The following IDO2 variants were observed in gnomAD, a reference collection of about 807,000 sequenced individuals.
IDO2 encodes the protein indoleamine 2,3-dioxygenase 2, also known as indoleamine 2,3-dioxygenase-like 1 protein.
IDO2 carries 46 observed loss-of-function variants against 45.1 expected under a neutral mutation model. The ratio of observed to expected loss-of-function variants is 1.02; its 90% confidence interval spans 0.80 to 1.30. The LOEUF is 1.30. Ranked by LOEUF, IDO2 falls within the 50% of genes most tolerant of loss-of-function variation. IDO2 has a pLI of 0.00. For synonymous variants in IDO2, 218 were observed against 184.9 expected, an observed-to-expected ratio of 1.18 and a Z score of -1.45; for missense variants, 544 against 491.8, an observed-to-expected ratio of 1.11 and a Z score of -1.00.
exon 4 of IDO2, chr8:39,979,106 G>C: frequency 6.2e-7 from 1 of 1,601,068 alleles, no homozygotes; most frequent in Non-Finnish European, 8.5e-7. Flanking sequence ...GGGTCACCGG[G>C]AGCAGCGCCT....
chr8:39,982,499 G>A (rs1808369015), intron 4 of IDO2, among the ~76,000 whole-genome samples, 153 bp from the exon 5 acceptor site: 1 of 152,126 alleles, frequency 6.6e-6, no homozygotes, highest in Non-Finnish European at 1.5e-5. Flanking sequence ...AGATATGTGT[G>A]CGGCATATGA....
chr8:39,996,936 G>A (rs1364851234), intron 8 of IDO2, among the ~76,000 whole-genome samples: 4 of 152,150 alleles, frequency 2.6e-5, no homozygotes, highest in Non-Finnish European at 5.9e-5. Flanking sequence ...TGTAAACGCC[G>A]CTAATTGGCA....
At chr8:39,947,753 C>G (rs1308869260) in intron 1 of IDO2, among the ~76,000 whole-genome samples, 1 of 150,950 alleles carries the variant, frequency 6.6e-6, no homozygotes, top group African/African-American at 2.4e-5. Flanking sequence ...AATGGCCTTA[C>G]TAAATAAATT....
intron 8 of IDO2, among the ~76,000 whole-genome samples, chr8:40,002,532 C>T (rs577086121): frequency 3.9e-5 from 6 of 152,278 alleles, no homozygotes; most frequent in African/African-American, 1.2e-4. Flanking sequence ...CGGTGGCTCA[C>T]GCCTGTAATC....
rs147113289 is a variant in IDO2, at chr8:39,961,564, C to T, written c.100-2044C>T. Among the ~76,000 whole-genome samples the T allele has an allele frequency of 1.8e-3, 272 of 152,138 alleles. 1 individual carries two copies. Among genetic ancestry groups the T allele is most frequent in the African/African-American group, 4.2e-3 (176 of 41,508 alleles). On this transcript the variant is annotated intron_variant, in intron 2 of 10. Transcript: ENST00000502986. ...CACAAACTCCTGACCTTAGGTGATC[C>T]GCCCTCCTCGGCCTCCCCAAGTGCT...
In IDO2 at chr8:40,002,568, G is replaced by A. The variant is rs144182827; in HGVS notation, c.668-2759G>A. Among the ~76,000 whole-genome samples, 100 of 152,294 alleles carry A rather than the reference G, an allele frequency of 6.6e-4. 1 individual carries two copies. The East Asian group carries it at 0.018, about 27-fold the overall frequency. On this transcript the variant is annotated intron_variant, in intron 8 of 10. Coordinates refer to ENST00000502986, the Ensembl canonical transcript of IDO2. ...CCAGCACTTTGGGAGGCTGAGGAGG[G>A]CAGATCACTTGAGGTCAGGAGTTGG... is the stretch of plus-strand genomic sequence containing the variant.
intron 8 of IDO2, among the ~76,000 whole-genome samples, chr8:39,993,591 A>T (rs1801982639): frequency 6.6e-6 from 1 of 152,188 alleles, no homozygotes; most frequent in African/African-American, 2.4e-5. Context: ...TTTCCATCTC[A>T]GCCTGTGAAC....
At chr8:39,936,755 C>G (rs1807558740) in intron 1 of IDO2, among the ~76,000 whole-genome samples, 1 of 152,128 alleles carries the variant, frequency 6.6e-6, no homozygotes, top group South Asian at 2.1e-4. Context: ...CTTTAGCCTC[C>G]ACAAAGAGAA....
At chr8:40,012,160 G>A (rs1282630497) in intron 9 of IDO2, among the ~76,000 whole-genome samples, 2 of 152,148 alleles carry the variant, frequency 1.3e-5, no homozygotes, top group African/African-American at 2.4e-5. Flanking sequence ...TGTATATGGT[G>A]TGTGTGTATG....
rs139069854 is a variant in IDO2, at chr8:39,990,814, C to T, written c.667+976C>T. On this transcript the variant is annotated intron_variant, in intron 8 of 10. Transcript: ENST00000502986. ...TGCTTAACACAGGCATGGTCAGTTA[C>T]GGGGCCCAACCTTCCTGGACCGGTT... Among the ~76,000 whole-genome samples, 1,014 of 152,290 alleles carry T rather than the reference C, an allele frequency of 6.7e-3. 11 individuals carry two copies. The highest frequency in any genetic ancestry group is 0.022 in the African/African-American group (917 of 41,550).
At chr8:39,968,800 C>A (rs1808136254) in intron 3 of IDO2, among the ~76,000 whole-genome samples, 1 of 150,946 alleles carries the variant, frequency 6.6e-6, no homozygotes, top group Admixed American at 6.6e-5. Context: ...ACAGGCGCAG[C>A]AAACCACCAT....
At chr8:39,982,671 C>T (rs751426021) in exon 5 of IDO2, 3 of 1,609,408 alleles carry the variant, frequency 1.9e-6, no homozygotes, top group Non-Finnish European at 2.5e-6. Flanking sequence ...AGGAATCTTG[C>T]CCTTCCATTT....
intron 2 of IDO2, among the ~76,000 whole-genome samples, chr8:39,951,275 A>ATTT (rs71220803): frequency 7.4e-6 from 1 of 136,030 alleles, no homozygotes; most frequent in Non-Finnish European, 1.5e-5. Context: ...GGACCCCAAG[A>ATTT]TTTTTTTTTT....
At chr8:39,985,704 T>C (rs1808412401) in intron 6 of IDO2, 182 bp downstream of exon 6, 1 of 607,238 alleles carries the variant, frequency 1.6e-6, no homozygotes, top group Non-Finnish European at 2.9e-6. Flanking sequence ...TTAACAGTGA[T>C]TGCCTCTTCC....
At chr8:39,985,158 C>T (rs946441033) in intron 5 of IDO2, 8 of 329,090 alleles carry the variant, frequency 2.4e-5, no homozygotes, top group East Asian at 2.2e-4. Flanking sequence ...ATCGAATCCT[C>T]GACCTCATAA....
chr8:39,994,488 C>T (rs546362724), intron 8 of IDO2, among the ~76,000 whole-genome samples: 7 of 152,068 alleles, frequency 4.6e-5, no homozygotes, highest in Non-Finnish European at 1.0e-4. Flanking sequence ...AACTCCTGAC[C>T]TTAGGTGATC....
intron 2 of IDO2, among the ~76,000 whole-genome samples, chr8:39,951,950 G>A (rs1435581670): frequency 1.3e-5 from 2 of 152,198 alleles, no homozygotes; most frequent in African/African-American, 2.4e-5. Flanking sequence ...ATATGCTATG[G>A]TTTTGTTAAT....
rs534419320 is a variant in IDO2, at chr8:39,987,745, A to G, written c.450-126A>G. On this transcript the variant is annotated intron_variant, in intron 6 of 10. Coordinates refer to ENST00000502986, the Ensembl canonical transcript of IDO2. ...AGATGCCCATCCTCAGGGCTGTCTT[A>G]CGGAGAGGAGAAAGTTGTGCAGTGA... 20 of 620,486 alleles carry G rather than the reference A, an allele frequency of 3.2e-5. No individual in the cohort carries two copies. The South Asian group carries it at 3.6e-4, about 11-fold the overall frequency. 38.4% of individuals were successfully genotyped at this position (620,486 alleles called of 1,614,324 possible). A position where few individuals can be genotyped will look rare whatever the true frequency, so the allele number is the denominator to read the frequency against.
At chr8:39,990,105 T>G (rs962840402) in intron 8 of IDO2, among the ~76,000 whole-genome samples, 7 of 152,328 alleles carry the variant, frequency 4.6e-5, no homozygotes, top group Admixed American at 3.3e-4. Flanking sequence ...TTAGGCATGT[T>G]GAGGTCTTGC....
Sources: gnomAD v4.1 joint callset for allele counts (sites outside exome capture counted in the v4.1 genomes callset) on GRCh38, gnomAD v4.1.1 for gene constraint, MANE v1.5 for transcripts, NCBI Gene and HGNC (gene_info 2026-07-23, HGNC 2026-07-21) for gene names.